IFT57: variants seen among roughly 807,000 people sequenced by gnomAD.
IFT57 encodes intraflagellar transport 57, also known as intraflagellar transport protein 57 homolog.
Under a neutral mutation model 56.8 loss-of-function variants are expected in IFT57, and 59 were observed. That is an observed-to-expected ratio of 1.04 (90% CI 0.84 to 1.29). IFT57 has a LOEUF of 1.29. IFT57 is among the 50% of genes most tolerant of loss of function. IFT57 has a pLI of 0.00. For synonymous variants in IFT57, 209 were observed against 186.1 expected, an observed-to-expected ratio of 1.12 and a Z score of -1.00; for missense variants, 470 against 522.1, an observed-to-expected ratio of 0.90 and a Z score of 0.97.
intron 10 of IFT57, among the ~76,000 whole-genome samples, chr3:108,163,249 G>C (rs2080044072): frequency 6.6e-6 from 1 of 152,106 alleles, no homozygotes; most frequent in Non-Finnish European, 1.5e-5. Flanking sequence ...TTCTACTGGG[G>C]AGGAGGGAAA....
intron 6 of IFT57, among the ~76,000 whole-genome samples, chr3:108,171,745 C>T (rs2080093493): frequency 6.6e-6 from 1 of 151,688 alleles, no homozygotes; most frequent in Non-Finnish European, 1.5e-5. Context: ...CCCAAGTTAG[C>T]ATCTTTATGA....
chr3:108,218,697 C>T (rs2305447), intron 2 of IFT57, 44 bp from the exon 3 acceptor site: 181,248 of 921,688 alleles, frequency 0.2, 19,498 homozygotes, highest in Non-Finnish European at 0.22. Context: ...GTTAGTTATA[C>T]TCCAAATGTC....
intron 4 of IFT57, among the ~76,000 whole-genome samples, chr3:108,211,749 T>C (rs960232522): frequency 3.9e-5 from 6 of 152,252 alleles, no homozygotes; most frequent in Admixed American, 2.0e-4. Flanking sequence ...TTAAATAATG[T>C]TTATTTACAT....
intron 6 of IFT57, among the ~76,000 whole-genome samples, chr3:108,174,543 G>C (rs948305836): frequency 2.6e-5 from 4 of 151,606 alleles, no homozygotes; most frequent in African/African-American, 9.7e-5. Flanking sequence ...AATAGATATT[G>C]TCATCTCTTC....
intron 3 of IFT57, among the ~76,000 whole-genome samples, chr3:108,217,002 T>G (rs1430378665): frequency 6.6e-6 from 1 of 152,052 alleles, no homozygotes; most frequent in Non-Finnish European, 1.5e-5. Flanking sequence ...GAGGAATAAG[T>G]TCTAGTGTTC....
chr3:108,181,169 AAGGC>A (rs1432870267), intron 6 of IFT57, among the ~76,000 whole-genome samples: 2 of 152,156 alleles, frequency 1.3e-5, no homozygotes, highest in Admixed American at 1.3e-4. Flanking sequence ...GGTAAATAGG[AAGGC>A]AGGCATCATC....
At chr3:108,183,363 C>T (rs909678031) in intron 6 of IFT57, among the ~76,000 whole-genome samples, 3 of 152,098 alleles carry the variant, frequency 2.0e-5, no homozygotes, top group Admixed American at 6.6e-5. Context: ...GCAGCCAGAC[C>T]GGGAAGCAAA....
intron 6 of IFT57, among the ~76,000 whole-genome samples, chr3:108,169,721 C>T (rs2080082602): frequency 6.6e-6 from 1 of 151,496 alleles, no homozygotes; most frequent in African/African-American, 2.4e-5. Flanking sequence ...CAGTTTTATC[C>T]CTGATGAACA....
chr3:108,204,702 T>C (rs1168630524), intron 5 of IFT57, among the ~76,000 whole-genome samples: 1 of 152,028 alleles, frequency 6.6e-6, no homozygotes, highest in African/African-American at 2.4e-5. Context: ...TACAACTTGC[T>C]AAAGGCAGGA....
In IFT57 at chr3:108,221,949, G is replaced by A. The variant is rs931637507; in HGVS notation, c.212+162C>T. On this transcript the variant is annotated intron_variant, in intron 1 of 10. Transcript: ENST00000264538. ...CAAGTCAGGGCTGCGTGAGCTCCAC[G>A]GACCTCCCGGGAGTTTGGGGTGAAG... The A allele has an allele frequency of 5.0e-6, 7 of 1,389,594 alleles. No individual in the cohort carries two copies. The African/African-American group carries it at 1.0e-4, about 20-fold the overall frequency. The allele number at this position is 1,389,594 out of a possible 1,614,324, so 86.1% of individuals were successfully genotyped here. A position where few individuals can be genotyped will look rare whatever the true frequency, so the allele number is the denominator to read the frequency against.
chr3:108,205,971 T>TTTATATATAATATATAAATATATTATATA (rs1467253345), intron 5 of IFT57, among the ~76,000 whole-genome samples: 10 of 74,464 alleles, frequency 1.3e-4, no homozygotes, highest in Non-Finnish European at 2.3e-4. Context: ...ATATTATATA[T>TTTATATATAATATATAAATATATTATATA]TTATATATAA....
intron 5 of IFT57, among the ~76,000 whole-genome samples, chr3:108,194,472 A>T (rs1265995229): frequency 1.5e-5 from 2 of 130,944 alleles, no homozygotes; most frequent in East Asian, 3.9e-4. Context: ...CATTCTTCAC[A>T]GAAATAAAAA....
At chr3:108,172,881 T>C (rs2080102211) in intron 6 of IFT57, among the ~76,000 whole-genome samples, 1 of 151,876 alleles carries the variant, frequency 6.6e-6, no homozygotes, top group Non-Finnish European at 1.5e-5. Context: ...CATTCATGTA[T>C]TTATAAAGCC....
At chr3:108,179,213 G>A (rs2080139502) in intron 6 of IFT57, among the ~76,000 whole-genome samples, 1 of 151,840 alleles carries the variant, frequency 6.6e-6, no homozygotes, top group African/African-American at 2.4e-5. Context: ...TTTAATTTTA[G>A]TTGCAGTGGT....
intron 1 of IFT57, among the ~76,000 whole-genome samples, chr3:108,219,932 C>T (rs1183147170): frequency 6.6e-6 from 1 of 152,162 alleles, no homozygotes; most frequent in African/African-American, 2.4e-5. Flanking sequence ...TCTGGAAGAA[C>T]CTCAGAGTTT....
At chr3:108,220,522 GCCATGAAGTCCTT>G (rs2080399981) in intron 1 of IFT57, among the ~76,000 whole-genome samples, 1 of 152,182 alleles carries the variant, frequency 6.6e-6, no homozygotes, top group Admixed American at 6.5e-5. Context: ...AAGAAAAAAG[GCCATGAAGTCCTT>G]CCAGGTATAT....
chr3:108,216,714 C>T (rs904998949), intron 3 of IFT57, among the ~76,000 whole-genome samples: 11 of 152,120 alleles, frequency 7.2e-5, no homozygotes, highest in Admixed American at 2.0e-4. Context: ...ACTCAAGATA[C>T]GGAATCTGCC....
chr3:108,162,958 T>C (rs2080041896), intron 10 of IFT57, among the ~76,000 whole-genome samples: 2 of 150,986 alleles, frequency 1.3e-5, no homozygotes, highest in Non-Finnish European at 2.9e-5. Context: ...AGTATATTTG[T>C]CTGTAGGAAA....
intron 4 of IFT57, among the ~76,000 whole-genome samples, chr3:108,211,270 A>G (rs1167683219): frequency 1.3e-5 from 2 of 152,256 alleles, no homozygotes; most frequent in Non-Finnish European, 2.9e-5. Flanking sequence ...TAAACTATTC[A>G]TAACTATTAA....
Sources: gnomAD v4.1 joint callset for allele counts (sites outside exome capture counted in the v4.1 genomes callset) on GRCh38, gnomAD v4.1.1 for gene constraint, MANE v1.5 for transcripts, NCBI Gene and HGNC (gene_info 2026-07-23, HGNC 2026-07-21) for gene names.